The following TXLNB variants were observed in gnomAD, a reference collection of about 807,000 sequenced individuals.
The protein encoded by TXLNB is taxilin beta, also known as beta-taxilin.
TXLNB carries 37 observed loss-of-function variants against 57.4 expected under a neutral mutation model. The observed-to-expected ratio is 0.64, with a 90% CI of 0.50 to 0.85. TXLNB has a LOEUF of 0.85. Ranked by LOEUF, TXLNB falls within the 40% of genes least tolerant of loss-of-function variation. TXLNB has a pLI of 0.00. For synonymous variants in TXLNB, 302 were observed against 309.6 expected, an observed-to-expected ratio of 0.98 and a Z score of 0.26; for missense variants, 848 against 825.6, an observed-to-expected ratio of 1.03 and a Z score of -0.33.
At chr6:139,243,492 CT>C (rs1161954954) in intron 9 of TXLNB, among the ~76,000 whole-genome samples, 178 bp from the exon 10 acceptor site, 2,051 of 128,026 alleles carry the variant, frequency 0.016, 25 homozygotes, top group Admixed American at 0.043. Flanking sequence ...CATCACTTTC[CT>C]TTTTTTTTTT....
the TXLNB span, among the ~76,000 whole-genome samples, chr6:139,171,179 AGT>A: frequency 6.6e-6 from 1 of 152,166 alleles, no homozygotes; most frequent in African/African-American, 2.4e-5. Flanking sequence ...AGTTTATAAC[AGT>A]GGTGGTTAAA....
chr6:139,318,719 G>A, the TXLNB span, among the ~76,000 whole-genome samples: 1 of 152,152 alleles, frequency 6.6e-6, no homozygotes, highest in East Asian at 1.9e-4. Flanking sequence ...AATTCTATAA[G>A]CAGTGCAAAC....
At chr6:139,229,874 C>T in the TXLNB span, among the ~76,000 whole-genome samples, 1 of 152,198 alleles carries the variant, frequency 6.6e-6, no homozygotes, top group African/African-American at 2.4e-5. Flanking sequence ...GCACCTCCCA[C>T]CCCATCTTCC....
intron 6 of TXLNB, among the ~76,000 whole-genome samples, chr6:139,259,848 C>T (rs768004276): frequency 6.6e-5 from 10 of 152,168 alleles, no homozygotes; most frequent in Admixed American, 2.6e-4. Context: ...GACATAGTGC[C>T]TCAGACTGGG....
At chr6:139,268,151 C>CA (rs59647726) in intron 4 of TXLNB, among the ~76,000 whole-genome samples, 6,132 of 64,542 alleles carry the variant, frequency 0.095, 351 homozygotes, top group African/African-American at 0.17. Context: ...CTCCATCTCA[C>CA]AAAAAAAAAA....
chr6:139,199,888 G>T, the TXLNB span: 2 of 152,188 alleles, frequency 1.3e-5, no homozygotes, highest in Non-Finnish European at 2.9e-5. Flanking sequence ...TCAATTTTAA[G>T]ACTTTAATGG....
the TXLNB span, among the ~76,000 whole-genome samples, chr6:139,209,830 T>C: frequency 3.9e-5 from 6 of 151,906 alleles, no homozygotes; most frequent in African/African-American, 1.5e-4. Context: ...GACTAAGAAC[T>C]CAAAAGCAAA....
the TXLNB span, among the ~76,000 whole-genome samples, chr6:139,311,035 T>C: frequency 6.6e-6 from 1 of 152,244 alleles, no homozygotes; most frequent in African/African-American, 2.4e-5. Flanking sequence ...TGTGTTTATG[T>C]ATAAGTACTA....
chr6:139,191,646 C>T, the TXLNB span, among the ~76,000 whole-genome samples: 7 of 152,066 alleles, frequency 4.6e-5, no homozygotes, highest in African/African-American at 7.3e-5. Flanking sequence ...ATTATTAGCC[C>T]TTAACACTGT....
chr6:139,196,375 T>G, the TXLNB span, among the ~76,000 whole-genome samples: 8 of 139,494 alleles, frequency 5.7e-5, no homozygotes, highest in South Asian at 2.4e-4. Context: ...GTTTTTTTTT[T>G]TTTTTTTTTT....
chr6:139,176,266 A>G, the TXLNB span, among the ~76,000 whole-genome samples: 455 of 152,338 alleles, frequency 3.0e-3, 2 homozygotes, highest in Non-Finnish European at 3.5e-3. The surrounding 1 kb of genome is among the most constrained non-coding windows in gnomAD (Gnocchi z 4.5). Flanking sequence ...TCTAAAAGTC[A>G]GCTAATACTA....
the TXLNB span, chr6:139,166,919 C>T: frequency 2.5e-6 from 4 of 1,614,096 alleles, no homozygotes; most frequent in Admixed American, 1.7e-5. Context: ...GAACGCCATC[C>T]ATCTGGAGCC....
chr6:139,312,430 T>TGA, the TXLNB span, among the ~76,000 whole-genome samples: 1 of 152,220 alleles, frequency 6.6e-6, no homozygotes, highest in South Asian at 2.1e-4. Context: ...GGCAACCCTA[T>TGA]GAGGATTCTG....
rs541403743 is a variant in TXLNB at position 139,253,648 on chromosome 6, G to T, written c.1077+1916C>A. Among the ~76,000 whole-genome samples, 9 of 152,120 alleles carry T rather than the reference G, an allele frequency of 5.9e-5. No homozygotes were observed. The South Asian group carries it at 1.9e-3, about 32-fold the overall frequency. On this transcript the variant is annotated intron_variant, in intron 7 of 9. Coordinates refer to ENST00000358430, the MANE Select transcript of TXLNB (RefSeq NM_153235.4). ...GCAAATCTAGAACCCCTGGTTGATG[G>T]TTTTTTAAGTTTGAGGGGGTATAAG...
chr6:139,288,722 T>C lies in TXLNB; in HGVS notation c.178A>G (p.Asn60Asp). The change falls in exon 2 of 10, where the codon AAT (asparagine) becomes GAT (aspartate). Residue 60 changes from asparagine to aspartate, a missense_variant. By Grantham distance (23) the Asn-to-Asp change is conservative. Transcript: ENST00000358430. ...TTAATGATGTCTTCCAGCTGTCGAT[T>C]CAGCTCTTCAGAGATATCGGGGTGC... Reference protein sequence around the residue: ...SVHPDISEELNRQLEDIINTY... With the variant: ...SVHPDISEELDRQLEDIINTY... 6.2e-7 allele frequency: 1 copy of C among 1,614,176 alleles called. No homozygotes were observed. Among genetic ancestry groups the C allele is most frequent in the South Asian group, 1.1e-5 (1 of 91,072 alleles).
chr6:139,220,071 T>C, the TXLNB span, among the ~76,000 whole-genome samples: 1 of 152,188 alleles, frequency 6.6e-6, no homozygotes, highest in Non-Finnish European at 1.5e-5. Flanking sequence ...AAGTGGGGCC[T>C]TTGGGTGATA....
chr6:139,316,369 A>G, the TXLNB span, among the ~76,000 whole-genome samples: 646 of 152,228 alleles, frequency 4.2e-3, 3 homozygotes, highest in Non-Finnish European at 5.3e-3. Flanking sequence ...ACCACAGGTG[A>G]TGTTTGATCA....
At chr6:139,300,653 C>T in the TXLNB span, among the ~76,000 whole-genome samples, 2 of 152,312 alleles carry the variant, frequency 1.3e-5, no homozygotes, top group East Asian at 3.9e-4. Flanking sequence ...AATCCCAGCA[C>T]TTTGGGAGGC....
chr6:139,227,554 C>A, the TXLNB span, among the ~76,000 whole-genome samples: 2 of 152,236 alleles, frequency 1.3e-5, no homozygotes, highest in East Asian at 3.9e-4. Flanking sequence ...GTCATATAAC[C>A]CACCAATTTA....
Sources: allele counts gnomAD v4.1 joint callset (sites outside exome capture counted in the v4.1 genomes callset), GRCh38; gene constraint gnomAD v4.1.1; non-coding constraint Gnocchi (gnomAD v3.1); transcripts MANE v1.5; gene names NCBI Gene and HGNC (gene_info 2026-07-23, HGNC 2026-07-21).